RUNX1: variants seen among roughly 807,000 people sequenced by gnomAD.
RUNX1 encodes runt-related transcription factor 1.
RUNX1 carries 19 observed loss-of-function variants against 42.8 expected under a neutral mutation model. That is an observed-to-expected ratio of 0.44 (90% CI 0.31 to 0.65). The LOEUF (loss-of-function observed/expected upper bound fraction) is 0.65. Among genes scored for constraint, RUNX1 ranks in the 30% least tolerant of loss-of-function variants. The pLI, the probability that RUNX1 is intolerant of heterozygous loss-of-function variation, is 0.07. For missense variants in RUNX1, 528 were observed against 672.0 expected (o/e 0.79, Z 2.37); for synonymous variants, 271 against 289.4 (o/e 0.94, Z 0.64).
chr21:34,976,777 C>A (rs2058805118), intron 2 of RUNX1, among the ~76,000 whole-genome samples: 1 of 152,154 alleles, frequency 6.6e-6, no homozygotes, highest in Non-Finnish European at 1.5e-5. Context: ...TATTATACGT[C>A]CCTTAGGCTA....
intron 5 of RUNX1, among the ~76,000 whole-genome samples, chr21:34,877,002 G>A (rs552583652): frequency 3.9e-5 from 6 of 152,038 alleles, no homozygotes; most frequent in Middle Eastern, 3.4e-3. Context: ...GATTACAGGC[G>A]CCCGCCACCA....
rs1601487843 is a variant in RUNX1, at chr21:34,867,000, A to G, written c.509-7422T>C. Among the ~76,000 whole-genome samples the G allele has an allele frequency of 2.0e-5, 3 of 152,226 alleles. No individual in the cohort carries two copies. The East Asian group carries it at 5.8e-4, about 29-fold the overall frequency. On this transcript the variant is annotated intron_variant, in intron 5 of 8. Coordinates refer to ENST00000675419, the MANE Select transcript of RUNX1 (RefSeq NM_001754.5). ...TACTTGGAGAAAACCGAAGACATGC[A>G]AAGCATTTTCTCTGGAGATGTTCTA... is the stretch of plus-strand genomic sequence containing the variant.
chr21:34,806,833 AAAT>A, intron 7 of RUNX1, among the ~76,000 whole-genome samples: 1 of 152,190 alleles, frequency 6.6e-6, no homozygotes, highest in South Asian at 2.1e-4. Flanking sequence ...GAAAATCTCC[AAAT>A]ATTTGGAGAT....
chr21:34,873,646 G>A (rs979861042), intron 5 of RUNX1, among the ~76,000 whole-genome samples: 14 of 152,212 alleles, frequency 9.2e-5, no homozygotes, highest in South Asian at 2.1e-4. Flanking sequence ...TCAACTGCCT[G>A]ACACCTTCAT....
chr21:34,840,684 C>T (rs1328444042), intron 6 of RUNX1, among the ~76,000 whole-genome samples: 6 of 152,202 alleles, frequency 3.9e-5, no homozygotes, highest in African/African-American at 1.2e-4. Flanking sequence ...TCTTGATCCC[C>T]ACCAGGTCGC....
intron 6 of RUNX1, among the ~76,000 whole-genome samples, chr21:34,839,324 C>T (rs1359843634): frequency 6.6e-6 from 1 of 150,424 alleles, no homozygotes; most frequent in African/African-American, 2.5e-5. Flanking sequence ...TATGTACACT[C>T]AGTGCACCTA....
At chr21:34,918,913 A>G (rs995232921) in intron 2 of RUNX1, among the ~76,000 whole-genome samples, 1 of 152,224 alleles carries the variant, frequency 6.6e-6, no homozygotes, top group East Asian at 1.9e-4. Context: ...TCAAAAAAAT[A>G]AAATACAATA....
At chr21:35,046,884 C>G (rs2059399626) in intron 2 of RUNX1, among the ~76,000 whole-genome samples, 1 of 152,112 alleles carries the variant, frequency 6.6e-6, no homozygotes, top group South Asian at 2.1e-4. Flanking sequence ...GGTGCGAGCT[C>G]AGGCCCTCCC....
intron 7 of RUNX1, among the ~76,000 whole-genome samples, chr21:34,831,452 G>A (rs75036944): frequency 3.3e-5 from 5 of 152,164 alleles, no homozygotes; most frequent in Non-Finnish European, 5.9e-5. Context: ...TTCTATATCA[G>A]TATTTTCTTG....
chr21:34,997,089 CAT>C (rs1417317039), intron 2 of RUNX1, among the ~76,000 whole-genome samples: 3 of 152,190 alleles, frequency 2.0e-5, no homozygotes, highest in African/African-American at 7.2e-5. Flanking sequence ...CAATGAGAAA[CAT>C]ATTCTCATGG....
intron 2 of RUNX1, among the ~76,000 whole-genome samples, chr21:34,965,417 G>A (rs2058711861): frequency 6.6e-6 from 1 of 151,992 alleles, no homozygotes; most frequent in Non-Finnish European, 1.5e-5. Flanking sequence ...TTTCCACTGC[G>A]TAGGGCCAGA....
At chr21:34,895,373 C>A (rs916469439) in intron 2 of RUNX1, among the ~76,000 whole-genome samples, 54 of 152,288 alleles carry the variant, frequency 3.5e-4, no homozygotes, top group African/African-American at 1.3e-3. Context: ...ATGACAAACA[C>A]CAAACAGATG....
chr21:35,042,882 C>T (rs774381836), intron 2 of RUNX1, among the ~76,000 whole-genome samples: 2 of 152,190 alleles, frequency 1.3e-5, no homozygotes, highest in South Asian at 4.1e-4. Flanking sequence ...CAATAAAATA[C>T]ATAATTTCCG....
At chr21:34,840,546 G>A (rs188114576) in intron 6 of RUNX1, among the ~76,000 whole-genome samples, 13 of 152,294 alleles carry the variant, frequency 8.5e-5, no homozygotes, top group East Asian at 5.8e-4. Context: ...TTCTAAGCAC[G>A]GTCTTTCTTG....
intron 2 of RUNX1, among the ~76,000 whole-genome samples, chr21:35,006,927 T>C (rs1435479316): frequency 1.3e-5 from 2 of 152,136 alleles, no homozygotes; most frequent in Non-Finnish European, 2.9e-5. Context: ...CTCTGGGAAG[T>C]ACCCAGTTAA....
chr21:34,837,657 T>G (rs1303882480), intron 6 of RUNX1, among the ~76,000 whole-genome samples: 1 of 152,222 alleles, frequency 6.6e-6, no homozygotes, highest in Non-Finnish European at 1.5e-5. Context: ...ACTTTTCTTC[T>G]TTCTCACTGA....
At chr21:34,924,536 T>G (rs2058378718) in intron 2 of RUNX1, among the ~76,000 whole-genome samples, 1 of 152,164 alleles carries the variant, frequency 6.6e-6, no homozygotes, top group South Asian at 2.1e-4. Flanking sequence ...ATAAGCAACA[T>G]GTGCACAGTC....
intron 2 of RUNX1, among the ~76,000 whole-genome samples, chr21:34,915,833 T>A (rs1034313278): frequency 6.6e-5 from 10 of 152,170 alleles, no homozygotes; most frequent in Non-Finnish European, 1.5e-4. Flanking sequence ...TATACAAATA[T>A]GAAAAAAGTA....
At chr21:34,887,788 C>T in intron 3 of RUNX1, 1 of 1,063,098 alleles carries the variant, frequency 9.4e-7, no homozygotes, top group East Asian at 5.1e-5. Context: ...TTAATGTACG[C>T]TGCAGATTTT....
Sources: allele counts gnomAD v4.1 joint callset (sites outside exome capture counted in the v4.1 genomes callset), GRCh38; gene constraint gnomAD v4.1.1; transcripts MANE v1.5; gene names NCBI Gene and HGNC (gene_info 2026-07-23, HGNC 2026-07-21).